Variants in IGF1R observed in about 807,000 individuals in gnomAD.
The protein encoded by IGF1R is insulin like growth factor 1 receptor.
A neutral mutation model predicts 144.6 loss-of-function variants in IGF1R; 44 were observed. The ratio of observed to expected loss-of-function variants is 0.30; its 90% confidence interval spans 0.24 to 0.39. The LOEUF (loss-of-function observed/expected upper bound fraction) is 0.39, where lower values mean the gene tolerates loss of function less well. Ranked by LOEUF, IGF1R falls within the 10% of genes least tolerant of loss-of-function variation. The pLI is 1.00. For synonymous variants in IGF1R, 795 were observed against 722.8 expected (o/e 1.10, Z -1.60); for missense variants, 1,355 against 1,833.7 (o/e 0.74, Z 4.77).
At chr15:98,778,213 C>T (rs1246556251) in intron 2 of IGF1R, among the ~76,000 whole-genome samples, 6 of 152,222 alleles carry the variant, frequency 3.9e-5, no homozygotes, top group Admixed American at 1.3e-4. Flanking sequence ...TGTACGTGGT[C>T]CTCGGAGTCA....
intron 20 of IGF1R, chr15:98,953,258 G>A (rs1425314357): frequency 6.6e-6 from 1 of 152,190 alleles, no homozygotes; most frequent in Non-Finnish European, 1.5e-5. Flanking sequence ...GTCACCGAGT[G>A]TTCTGGCTTT....
intron 2 of IGF1R, among the ~76,000 whole-genome samples, chr15:98,826,260 T>G (rs1053200249): frequency 2.0e-5 from 3 of 152,208 alleles, no homozygotes; most frequent in Admixed American, 6.5e-5. Context: ...AAAACCAAAC[T>G]AACGGTAGGA....
At chr15:98,757,889 A>C (rs1302997490) in intron 2 of IGF1R, among the ~76,000 whole-genome samples, 1 of 152,212 alleles carries the variant, frequency 6.6e-6, no homozygotes, top group Non-Finnish European at 1.5e-5. Flanking sequence ...ATGTTAATTG[A>C]ACAAGTCCTT....
intron 2 of IGF1R, among the ~76,000 whole-genome samples, chr15:98,713,837 C>T (rs8024540): frequency 1.7e-3 from 252 of 152,246 alleles, no homozygotes; most frequent in African/African-American, 5.8e-3. Context: ...CTTTTTAACC[C>T]ATTGGGATGA....
At chr15:98,885,142 G>T (rs1236378670) in intron 2 of IGF1R, among the ~76,000 whole-genome samples, 1 of 152,184 alleles carries the variant, frequency 6.6e-6, no homozygotes, top group East Asian at 1.9e-4. Flanking sequence ...GCTTGCTACT[G>T]GCTCATATTC....
rs749696528 is a variant in IGF1R, at chr15:98,704,415, A to T, written c.95-3147A>T. Among the ~76,000 whole-genome samples the T allele has an allele frequency of 8.6e-5, 13 of 151,878 alleles. No individual in the cohort carries two copies. The highest frequency in any genetic ancestry group is 1.3e-4 in the Non-Finnish European group (9 of 67,966). On this transcript the variant is annotated intron_variant, in intron 1 of 20. Transcript: ENST00000650285. The surrounding 1 kb of genome is among the most constrained non-coding windows in gnomAD (Gnocchi z 4.9). ...TGTGGGCGGCAGGGTATCACAGAGG[A>T]GGAGCTCGGTGTGTTGGAGGTTGGT... is the stretch of plus-strand genomic sequence containing the variant.
chr15:98,930,354 G>T, intron 15 of IGF1R, 49 bp downstream of exon 15: 1 of 1,390,888 alleles, frequency 7.2e-7, no homozygotes. Context: ...CAGGTAGATC[G>T]GGAGCTTTCA....
intron 2 of IGF1R, among the ~76,000 whole-genome samples, chr15:98,815,640 C>T (rs1342181816): frequency 1.3e-5 from 2 of 152,122 alleles, no homozygotes; most frequent in African/African-American, 2.4e-5. Flanking sequence ...CCCATTCACT[C>T]CAAATCTCTC....
intron 15 of IGF1R, among the ~76,000 whole-genome samples, chr15:98,930,916 C>T (rs534843113): frequency 1.8e-4 from 28 of 152,172 alleles, no homozygotes; most frequent in Non-Finnish European, 3.4e-4. Context: ...CTCTTTCTAG[C>T]ATTTTTATAT....
chr15:98,821,431 T>C (rs2056800575), intron 2 of IGF1R, among the ~76,000 whole-genome samples: 1 of 152,052 alleles, frequency 6.6e-6, no homozygotes, highest in Non-Finnish European at 1.5e-5. Flanking sequence ...TTTAGAAGAG[T>C]AAAACAGAAT....
At chr15:98,721,359 T>G (rs2054242620) in intron 2 of IGF1R, among the ~76,000 whole-genome samples, 1 of 152,244 alleles carries the variant, frequency 6.6e-6, no homozygotes, top group South Asian at 2.1e-4. Context: ...GGGTTAGGAC[T>G]CATGCTTTGT....
rs1203277541 is a variant in IGF1R at position 98,891,560 on chromosome 15, C to A, written c.876C>A (p.Asp292Glu). ...CANILSAESS[D>E]SEGFVIHDGE... ...ACATCCTCAGCGCCGAGAGCAGCGA[C>A]TCCGAGGGGTTTGTGATCCACGACG... The change falls in exon 3 of 21, where the codon GAC (aspartate) becomes GAA (glutamate). Residue 292 changes from aspartate (D) to glutamate (E), a missense_variant. Coordinates refer to ENST00000650285, the MANE Select transcript of IGF1R (RefSeq NM_000875.5). The surrounding 1 kb of genome is among the most constrained non-coding windows in gnomAD (Gnocchi z 4.7). The A allele has an allele frequency of 6.2e-7, 1 of 1,609,494 alleles. No homozygotes were observed. Among genetic ancestry groups the A allele is most frequent in the East Asian group, 2.2e-5 (1 of 44,894 alleles).
intron 12 of IGF1R, 131 bp from the exon 13 acceptor site, chr15:98,924,394 A>G (rs2015619662): frequency 1.2e-6 from 1 of 865,602 alleles, no homozygotes; most frequent in African/African-American, 1.6e-5. Context: ...GTCTTTACTG[A>G]CACTCAGGAT....
At chr15:98,930,339 C>T (rs749953737) in intron 15 of IGF1R, 34 bp downstream of exon 15, 5 of 1,521,604 alleles carry the variant, frequency 3.3e-6, no homozygotes, top group Non-Finnish European at 4.5e-6. Flanking sequence ...TGCCAGCGTG[C>T]AGGGCAGGTA....
At chr15:98,672,065 C>T (rs2141197884) in intron 1 of IGF1R, among the ~76,000 whole-genome samples, 1 of 152,300 alleles carries the variant, frequency 6.6e-6, no homozygotes, top group African/African-American at 2.4e-5. Flanking sequence ...CCAGGGTGCA[C>T]AGACATTTTC....
In IGF1R at chr15:98,715,289, C is replaced by T. The variant is rs115576343; in HGVS notation, c.640+7182C>T. Among the ~76,000 whole-genome samples the T allele has an allele frequency of 2.4e-3, 364 of 152,338 alleles. 2 individuals carry two copies. The highest frequency in any genetic ancestry group is 8.6e-3 in the African/African-American group (356 of 41,576). On this transcript the variant is annotated intron_variant, in intron 2 of 20. Transcript: ENST00000650285. ...GGGCGTGTGCCTTGTGCCTCAAAGA[C>T]TTTGCTTTTGGCTAATTGTCATTAG...
intron 14 of IGF1R, 38 bp downstream of exon 14, chr15:98,929,698 G>T: frequency 7.4e-7 from 1 of 1,357,424 alleles, no homozygotes; most frequent in Non-Finnish European, 1.1e-6. Flanking sequence ...TTCTGTGGCT[G>T]AGTGGTTTGA....
At chr15:98,687,538 G>A (rs979005925) in intron 1 of IGF1R, among the ~76,000 whole-genome samples, 1 of 152,218 alleles carries the variant, frequency 6.6e-6, no homozygotes, top group Non-Finnish European at 1.5e-5. Context: ...GAAGGCACAG[G>A]GAGGTTTTGA....
chr15:98,865,445 C>G (rs1387537623), intron 2 of IGF1R, among the ~76,000 whole-genome samples: 1 of 152,194 alleles, frequency 6.6e-6, no homozygotes, highest in Non-Finnish European at 1.5e-5. Flanking sequence ...GAGGGGCTGG[C>G]TGGAGGTGGG....
Sources: allele counts gnomAD v4.1 joint callset (sites outside exome capture counted in the v4.1 genomes callset), GRCh38; gene constraint gnomAD v4.1.1; non-coding constraint Gnocchi (gnomAD v3.1); transcripts MANE v1.5; gene names NCBI Gene and HGNC (gene_info 2026-07-23, HGNC 2026-07-21).